Variants in MOCS1 observed in about 807,000 individuals in gnomAD.
MOCS1 encodes the protein molybdenum cofactor synthesis 1, also known as molybdenum cofactor biosynthesis protein 1.
A neutral mutation model predicts 57.6 loss-of-function variants in MOCS1; 39 were observed. The ratio of observed to expected loss-of-function variants is 0.68; its 90% CI spans 0.52 to 0.88. The LOEUF (loss-of-function observed/expected upper bound fraction) is 0.88, where lower values mean the gene tolerates loss of function less well. Among genes scored for constraint, MOCS1 ranks in the 40% least tolerant of loss-of-function variants. The probability of loss-of-function intolerance (pLI) is 0.00; values close to 1 mark genes in which losing one functional copy is unlikely to be tolerated. For synonymous variants in MOCS1, 334 were observed against 335.7 expected, an observed-to-expected ratio of 1.00 and a Z score of 0.05; for missense variants, 795 against 831.1, an observed-to-expected ratio of 0.96 and a Z score of 0.53.
intron 7 of MOCS1, 122 bp from the exon 8 acceptor site, chr6:39,912,496 G>T: frequency 3.9e-6 from 3 of 759,856 alleles, no homozygotes; most frequent in Non-Finnish European, 7.1e-6. Flanking sequence ...CCCACGTGAA[G>T]CTCCACCCAA....
At chr6:39,929,501 C>A (rs1408623719) in intron 1 of MOCS1, among the ~76,000 whole-genome samples, 1 of 152,080 alleles carries the variant, frequency 6.6e-6, no homozygotes, top group Non-Finnish European at 1.5e-5. Flanking sequence ...AAGATACCCC[C>A]CCTCAACCCA....
At chr6:39,913,274 C>T (rs959107240) in intron 6 of MOCS1, 43 bp downstream of exon 6, 5 of 1,558,898 alleles carry the variant, frequency 3.2e-6, no homozygotes, top group South Asian at 1.1e-5. Flanking sequence ...ACCTGCAGGC[C>T]CAACCCCTTC....
rs185196737 is a variant in MOCS1, at chr6:39,904,692, A to G, written c.*1665T>C. 2.7e-4 allele frequency: 120 copies of G among 440,880 alleles called. No homozygotes were observed. The highest frequency in any genetic ancestry group is 4.4e-4 in the Non-Finnish European group (100 of 225,160). The allele number at this position is 440,880 out of a possible 1,614,324, so 27.3% of individuals were successfully genotyped here. A position where few individuals can be genotyped will look rare whatever the true frequency, so the allele number is the denominator to read the frequency against. On this transcript the variant is annotated 3_prime_UTR_variant, in exon 11 of 11. Transcript: ENST00000340692. Reference sequence around the variant, plus strand: ...TTCCACCAACTGGGGAACTGTGACTATCTATCTCCCCCGACTTCTACCAGG... The same window carrying G: ...TTCCACCAACTGGGGAACTGTGACTGTCTATCTCCCCCGACTTCTACCAGG...
rs1562076797 is a variant in MOCS1, at chr6:39,904,831, T to C, written c.*1526A>G. ...GCACCTTTTTTATAAGAATATATTGTAATACTAAAAAATATTAAATTCATA... is the reference window on the plus strand; with the variant it reads ...GCACCTTTTTTATAAGAATATATTGCAATACTAAAAAATATTAAATTCATA... On this transcript the variant is annotated 3_prime_UTR_variant, in exon 11 of 11. Coordinates refer to ENST00000340692, the MANE Select transcript of MOCS1 (RefSeq NM_001358530.2). 4.4e-6 allele frequency: 2 copies of C among 454,094 alleles called. No homozygotes were observed. Among genetic ancestry groups the C allele is most frequent in the Non-Finnish European group, 8.8e-6 (2 of 226,794 alleles). The allele number at this position is 454,094 out of a possible 1,614,324, so 28.1% of individuals were successfully genotyped here. A position where few individuals can be genotyped will look rare whatever the true frequency, so the allele number is the denominator to read the frequency against.
At chr6:39,927,237 G>A (rs1427857228) in intron 2 of MOCS1, 92 bp downstream of exon 2, 22 of 1,500,950 alleles carry the variant, frequency 1.5e-5, no homozygotes, top group Non-Finnish European at 1.8e-5. Flanking sequence ...CAGAACTGGA[G>A]GACACAGGAG....
intron 1 of MOCS1, 21 bp downstream of exon 1, chr6:39,934,274 A>T: frequency 6.5e-7 from 1 of 1,531,864 alleles, no homozygotes; most frequent in Non-Finnish European, 8.7e-7. Flanking sequence ...GAAGCTGTGG[A>T]CGCAGGCGGG....
At chr6:39,930,549 G>A (rs200560659) in intron 1 of MOCS1, among the ~76,000 whole-genome samples, 22 of 148,320 alleles carry the variant, frequency 1.5e-4, no homozygotes, top group Admixed American at 1.4e-3. Context: ...ATCATTTCCC[G>A]GCTGGTCTCT....
chr6:39,909,823 C>A lies in MOCS1; in HGVS notation c.1102+12G>T. Reference sequence around the variant, plus strand: ...TCACCATCCAGGCCAGCCCTCCCCACCCTGCACTTACCTGCATGCTGCCGC... The same window carrying A: ...TCACCATCCAGGCCAGCCCTCCCCAACCTGCACTTACCTGCATGCTGCCGC... On this transcript the variant is annotated intron_variant, in intron 9 of 10. Transcript: ENST00000340692. The A allele has an allele frequency of 6.2e-7, 1 of 1,612,416 alleles. No homozygotes were observed. Among genetic ancestry groups the A allele is most frequent in the Non-Finnish European group, 8.5e-7 (1 of 1,179,994 alleles).
rs2149404000 is a variant in MOCS1, at chr6:39,913,334, T to A, written c.740A>T (p.Glu247Val). 1 of 1,614,018 alleles carries A rather than the reference T, an allele frequency of 6.2e-7. No individual in the cohort carries two copies. Among genetic ancestry groups the A allele is most frequent in the Non-Finnish European group, 8.5e-7 (1 of 1,179,944 alleles). ...EGLPLDVRFIEYMPFDGNKWN... is the reference protein window; with the variant it reads ...EGLPLDVRFIVYMPFDGNKWN... ...TCACTGACCATCAAAGGGCATATAC[T>A]CTATGAAGCGCACATCCAGGGGGAG... Residue 247 changes from glutamate (E) to valine (V), a missense_variant, in exon 6 of 11, where the codon GAG becomes GTG. By Grantham distance (121) the Glu-to-Val change is moderately radical (BLOSUM62 -2). Around this residue, in one of 3 missense-constraint regions of MOCS1, gnomAD observed 416 missense variants for 392.4 expected, o/e 1.06. Transcript: ENST00000340692.
intron 1 of MOCS1, 135 bp from the exon 2 acceptor site, chr6:39,927,590 G>A: frequency 6.2e-7 from 1 of 1,606,298 alleles, no homozygotes; most frequent in African/African-American, 1.3e-5. Flanking sequence ...TTTGGGCTCT[G>A]CAATGTTGGG....
intron 9 of MOCS1, among the ~76,000 whole-genome samples, chr6:39,909,404 A>G (rs1044324747): frequency 4.9e-4 from 74 of 152,064 alleles, no homozygotes; most frequent in Middle Eastern, 6.8e-3. Flanking sequence ...AACGCGCTTG[A>G]CAGCCCCGAG....
At chr6:39,926,914 TGG>T (rs775064551) in intron 2 of MOCS1, among the ~76,000 whole-genome samples, 6 of 150,802 alleles carry the variant, frequency 4.0e-5, no homozygotes, top group Non-Finnish European at 8.9e-5. Flanking sequence ...GTCACGGGAC[TGG>T]GGCACCTCCA....
rs757862301 is a variant in MOCS1, at chr6:39,909,036, G to A, written c.1150+19C>T. 17 of 1,609,756 alleles carry A rather than the reference G, an allele frequency of 1.1e-5. No homozygotes were observed. The highest frequency in any genetic ancestry group is 5.5e-5 in the South Asian group (5 of 90,910). ...CCAAATGACAAGGGTGAGTGGTTAC[G>A]TACTGATGGGTCACCCACCGATGAG... On this transcript the variant is annotated intron_variant, in intron 10 of 10. Transcript: ENST00000340692.
intron 3 of MOCS1, among the ~76,000 whole-genome samples, chr6:39,919,481 C>T (rs1456404619): frequency 2.0e-5 from 3 of 150,416 alleles, no homozygotes; most frequent in Non-Finnish European, 4.4e-5. Flanking sequence ...GAGTAAGACT[C>T]TGTCTCAAAA....
intron 1 of MOCS1, among the ~76,000 whole-genome samples, chr6:39,931,884 A>G (rs1768661478): frequency 6.6e-6 from 1 of 152,176 alleles, no homozygotes; most frequent in African/African-American, 2.4e-5. Context: ...AAAGAGGGAT[A>G]CAGCACTCCC....
rs1425376631 is a variant in MOCS1, at chr6:39,906,729, G to T, written c.1539C>A (p.Leu513=). Residue 513 remains leucine (L), a synonymous_variant, in exon 11 of 11, where the codon CTC becomes CTA. Transcript: ENST00000340692. ...CAAGCTTGAAGGCTACCGGTCCCAG[G>T]AGGACCACGGCTGAAGCCACAGCCA... ...ERVAVASAVV[L]LGPVAFKLVQ... 1 of 1,614,196 alleles carries T rather than the reference G, an allele frequency of 6.2e-7. No homozygotes were observed. The highest frequency in any genetic ancestry group is 8.5e-7 in the Non-Finnish European group (1 of 1,180,052).
intron 6 of MOCS1, 66 bp downstream of exon 6, chr6:39,913,251 G>T: frequency 7.2e-7 from 1 of 1,393,934 alleles, no homozygotes; most frequent in Non-Finnish European, 1.0e-6. Flanking sequence ...CAGTGGGTGA[G>T]CCACACTATG....
chr6:39,925,717 C>T lies in MOCS1; in HGVS notation c.379G>A (p.Gly127Arg), dbSNP rs1321268099. 26 of 1,612,816 alleles carry T rather than the reference C, an allele frequency of 1.6e-5. No homozygotes were observed. The highest frequency in any genetic ancestry group is 2.1e-5 in the Non-Finnish European group (25 of 1,179,984). Residue 127 changes from glycine to arginine, a missense_variant, in exon 3 of 11, where the codon GGA becomes AGA. Transcript: ENST00000340692. ...EGIDKIRLTG[G>R]EPLIRPDVVD... ...ACGTCCGGCCGGATAAGCGGCTCTCCACCTGTGAGCCGGATCTTGTCGATG... is the reference window on the plus strand; with the variant it reads ...ACGTCCGGCCGGATAAGCGGCTCTCTACCTGTGAGCCGGATCTTGTCGATG...
In MOCS1 at chr6:39,904,729, G is replaced by A. The variant is rs766403739; in HGVS notation, c.*1628C>T. 2.7e-4 allele frequency: 121 copies of A among 453,988 alleles called. 2 individuals are homozygous for A. The highest frequency in any genetic ancestry group is 1.3e-3 in the South Asian group (84 of 64,476). The allele number at this position is 453,988 out of a possible 1,614,324, so 28.1% of individuals were successfully genotyped here. A position where few individuals can be genotyped will look rare whatever the true frequency, so the allele number is the denominator to read the frequency against. Reference sequence around the variant, plus strand: ...CGACTTCTACCAGGGATGCCTTCACGCCAAGGCTGTTCTCACCAGCTGCCT... The same window carrying A: ...CGACTTCTACCAGGGATGCCTTCACACCAAGGCTGTTCTCACCAGCTGCCT... On this transcript the variant is annotated 3_prime_UTR_variant, in exon 11 of 11. Transcript: ENST00000340692.
Sources: gnomAD v4.1 joint callset for allele counts (sites outside exome capture counted in the v4.1 genomes callset) on GRCh38, gnomAD v4.1.1 for gene constraint, gnomAD v4.1.1 regional missense constraint, MANE v1.5 for transcripts, NCBI Gene and HGNC (gene_info 2026-07-23, HGNC 2026-07-21) for gene names.